NTNG1: variants seen among roughly 807,000 people sequenced by gnomAD.
NTNG1 encodes netrin-G1.
In NTNG1, 16 loss-of-function variants were observed where a neutral mutation model predicts 54.0. The observed-to-expected ratio is 0.30, with a 90% CI of 0.20 to 0.45. The LOEUF (loss-of-function observed/expected upper bound fraction) is 0.45. Among genes scored for constraint, NTNG1 ranks in the 20% least tolerant of loss-of-function variants. The probability of loss-of-function intolerance (pLI) is 1.00; values close to 1 mark genes in which losing one functional copy is unlikely to be tolerated. For synonymous variants in NTNG1, 255 were observed against 263.1 expected, an observed-to-expected ratio of 0.97 and a Z score of 0.30; for missense variants, 530 against 678.7, an observed-to-expected ratio of 0.78 and a Z score of 2.43.
At chr1:107,329,221 C>T (rs548722914) in intron 3 of NTNG1, among the ~76,000 whole-genome samples, 1 of 152,132 alleles carries the variant, frequency 6.6e-6, no homozygotes, top group Admixed American at 6.6e-5. Context: ...CACTTCATGG[C>T]TGCCCCTGCT....
intron 2 of NTNG1, among the ~76,000 whole-genome samples, chr1:107,300,897 T>TTA (rs746293988): frequency 1.3e-5 from 2 of 152,170 alleles, no homozygotes; most frequent in Non-Finnish European, 2.9e-5. Context: ...GTCAGCAAAC[T>TTA]TATTTCGAGA....
intron 2 of NTNG1, among the ~76,000 whole-genome samples, chr1:107,290,911 G>A (rs927517803): frequency 2.0e-5 from 3 of 148,478 alleles, no homozygotes; most frequent in African/African-American, 5.0e-5. Flanking sequence ...GAATTAGATT[G>A]TTTAAATATT....
chr1:107,198,614 A>C (rs1313177240), intron 2 of NTNG1, among the ~76,000 whole-genome samples: 2 of 151,856 alleles, frequency 1.3e-5, no homozygotes, highest in African/African-American at 4.8e-5. Context: ...GAGAGTAAAC[A>C]TGTAAGAGAA....
At chr1:107,358,985 T>A (rs549812614) in intron 3 of NTNG1, among the ~76,000 whole-genome samples, 4 of 152,262 alleles carry the variant, frequency 2.6e-5, no homozygotes, top group African/African-American at 9.6e-5. Flanking sequence ...CAAAAAAATA[T>A]AAAGTTCTAT....
In NTNG1 at chr1:107,481,359, C is replaced by A. The variant is rs1678703101; in HGVS notation, c.*519C>A. 1 of 154,342 alleles carries A rather than the reference C, an allele frequency of 6.5e-6. No individual in the cohort carries two copies. The highest frequency in any genetic ancestry group is 1.9e-4 in the East Asian group (1 of 5,252). 9.6% of individuals were successfully genotyped at this position (154,342 alleles called of 1,614,324 possible). On this transcript the variant is annotated 3_prime_UTR_variant, in exon 8 of 8. Transcript: ENST00000370068. ...TGCTTTAGTGAACGTTGCTCTGTAACCCTTGTTGGTTGAAAGATTTCTTTG... is the reference window on the plus strand; with the variant it reads ...TGCTTTAGTGAACGTTGCTCTGTAAACCTTGTTGGTTGAAAGATTTCTTTG...
At position 107,324,612 on chromosome 1, in the gene NTNG1, G is replaced by A. The variant is rs774889917; in HGVS notation, c.577G>A (p.Val193Met). Residue 193 changes from valine to methionine, a missense_variant, in exon 3 of 8, where the codon GTG becomes ATG. Around this residue, in one of 2 missense-constraint regions of NTNG1, gnomAD observed 318 missense variants for 465.1 expected, o/e 0.68. Coordinates refer to ENST00000370068, the MANE Select transcript of NTNG1 (RefSeq NM_001113226.3). ...TGCTTTTCACATGGATCCTAAATCC[G>A]TGAAGGATTTATCACAGCATACGGT... ...LDAFHMDPKSVKDLSQHTVLE... is the reference protein window; with the variant it reads ...LDAFHMDPKSMKDLSQHTVLE... 1 of 1,613,282 alleles carries A rather than the reference G, an allele frequency of 6.2e-7. No homozygotes were observed.
chr1:107,472,760 G>T (rs192430703), intron 7 of NTNG1, among the ~76,000 whole-genome samples: 2,004 of 152,096 alleles, frequency 0.013, 22 homozygotes, highest in Non-Finnish European at 0.022. Flanking sequence ...TGTGGGGCGG[G>T]GATGGATTGC....
At chr1:107,391,021 G>C (rs1021162094) in intron 3 of NTNG1, among the ~76,000 whole-genome samples, 26 of 152,168 alleles carry the variant, frequency 1.7e-4, no homozygotes, top group African/African-American at 5.8e-4. Flanking sequence ...CCAGAAAGGA[G>C]CCAGCCACTG....
intron 5 of NTNG1, among the ~76,000 whole-genome samples, chr1:107,419,671 A>AAGG (rs1240161346): frequency 1.4e-4 from 21 of 151,560 alleles, no homozygotes; most frequent in African/African-American, 4.6e-4. Flanking sequence ...CCTTAGCTAT[A>AAGG]TACAGGATGT....
Position 107,326,250 on chromosome 1 carries a change from C to T in NTNG1, c.887+1328C>T, listed in dbSNP as rs1225815383. ...TGGAAGAATCAAAAGCCTTTATCTG[C>T]GAAGCTTTTCCTAAAATTTTGACCA... On this transcript the variant is annotated intron_variant, in intron 3 of 7. Transcript: ENST00000370068. 2.0e-5 allele frequency among the ~76,000 whole-genome samples: 3 copies of T among 151,924 alleles called. 1 individual carries two copies. Among genetic ancestry groups the T allele is most frequent in the Non-Finnish European group, 4.4e-5 (3 of 67,942 alleles).
intron 2 of NTNG1, among the ~76,000 whole-genome samples, chr1:107,258,309 T>C (rs891513014): frequency 6.6e-6 from 1 of 151,372 alleles, no homozygotes; most frequent in African/African-American, 2.4e-5. Context: ...ACCCATGATA[T>C]TAGTAAAACT....
At chr1:107,472,616 C>T (rs1678055850) in intron 7 of NTNG1, among the ~76,000 whole-genome samples, 1 of 152,164 alleles carries the variant, frequency 6.6e-6, no homozygotes, top group African/African-American at 2.4e-5. Flanking sequence ...AGACCCAGAT[C>T]TCAGGTTTTC....
intron 2 of NTNG1, chr1:107,260,655 G>A (rs4628528): frequency 0.85 from 128,798 of 152,092 alleles, 58,444 homozygotes; most frequent in Non-Finnish European, 1. Flanking sequence ...CCAGGGCTGA[G>A]TTACTCCTGT....
chr1:107,143,332 A>G (rs922742769), intron 1 of NTNG1: 1 of 152,176 alleles, frequency 6.6e-6, no homozygotes, highest in Non-Finnish European at 1.5e-5. Context: ...GGAGGAGGCA[A>G]ATGTATTTTG....
At chr1:107,154,714 C>G (rs1312538277) in intron 2 of NTNG1, among the ~76,000 whole-genome samples, 1 of 148,398 alleles carries the variant, frequency 6.7e-6, no homozygotes, top group Non-Finnish European at 1.5e-5. Context: ...GCAGATATAG[C>G]CAGGATGGAA....
chr1:107,404,025 G>T (rs1218270098), intron 4 of NTNG1, among the ~76,000 whole-genome samples: 1 of 150,744 alleles, frequency 6.6e-6, no homozygotes, highest in Non-Finnish European at 1.5e-5. Flanking sequence ...TTCCAGAGAT[G>T]GAGTTAAGCT....
intron 3 of NTNG1, among the ~76,000 whole-genome samples, chr1:107,346,671 G>C (rs1669259140): frequency 6.6e-6 from 1 of 151,928 alleles, no homozygotes; most frequent in African/African-American, 2.4e-5. Context: ...CAAACTGAGG[G>C]GACCAGAATA....
intron 2 of NTNG1, among the ~76,000 whole-genome samples, chr1:107,270,221 T>A (rs1664048683): frequency 6.6e-6 from 1 of 152,248 alleles, no homozygotes; most frequent in African/African-American, 2.4e-5. Flanking sequence ...TTTTTTGACC[T>A]GTTATTTGTA....
At chr1:107,249,548 A>C (rs562566639) in intron 2 of NTNG1, among the ~76,000 whole-genome samples, 1 of 152,170 alleles carries the variant, frequency 6.6e-6, no homozygotes, top group African/African-American at 2.4e-5. Flanking sequence ...TGTCTAAGAC[A>C]CTATTATTTG....
Sources: gnomAD v4.1 joint callset for allele counts (sites outside exome capture counted in the v4.1 genomes callset) on GRCh38, gnomAD v4.1.1 for gene constraint, gnomAD v4.1.1 regional missense constraint, MANE v1.5 for transcripts, NCBI Gene and HGNC (gene_info 2026-07-23, HGNC 2026-07-21) for gene names.